Variants in NOS1AP observed in about 807,000 individuals in gnomAD.
NOS1AP encodes the protein nitric oxide synthase 1 adaptor protein, also known as carboxyl-terminal PDZ ligand of neuronal nitric oxide synthase protein.
A neutral mutation model predicts 56.2 loss-of-function variants in NOS1AP; 21 were observed. That is an observed-to-expected ratio of 0.37 (90% confidence interval 0.26 to 0.54). The LOEUF is 0.54. Ranked by LOEUF, NOS1AP falls within the 20% of genes least tolerant of loss-of-function variation. The pLI is 0.84. For missense variants in NOS1AP, 522 were observed against 657.8 expected, an observed-to-expected ratio of 0.79 and a Z score of 2.26; for synonymous variants, 270 against 274.6, an observed-to-expected ratio of 0.98 and a Z score of 0.17.
intron 4 of NOS1AP, chr1:162,317,876 A>G (rs1656281549): frequency 6.6e-6 from 1 of 152,226 alleles, no homozygotes; most frequent in Non-Finnish European, 1.5e-5. Flanking sequence ...TTTACTAAAC[A>G]TTAAACTGAC....
chr1:162,154,650 A>G (rs542983011), intron 2 of NOS1AP, among the ~76,000 whole-genome samples, 174 bp downstream of exon 2: 2 of 152,266 alleles, frequency 1.3e-5, no homozygotes, highest in East Asian at 3.9e-4. Flanking sequence ...ATCTTGATGA[A>G]AGGCCAATGT....
At chr1:162,359,890 C>G (rs1657835283) in intron 8 of NOS1AP, among the ~76,000 whole-genome samples, 1 of 152,164 alleles carries the variant, frequency 6.6e-6, no homozygotes, top group South Asian at 2.1e-4. Context: ...GAATAGTTTC[C>G]TTCTCTCGGA....
In NOS1AP at chr1:162,369,683, C is replaced by T. The variant is rs1383112554; in HGVS notation, c.*2216C>T. On this transcript the variant is annotated 3_prime_UTR_variant, in exon 10 of 10. Coordinates refer to ENST00000361897, the MANE Select transcript of NOS1AP (RefSeq NM_014697.3). ...TATCTGTGTTGCTGACTTTGGGACC[C>T]ATCCAAGACTCCTGCCCTTGGGGTG... is the stretch of plus-strand genomic sequence containing the variant. 1 of 152,300 alleles carries T rather than the reference C, an allele frequency of 6.6e-6. No homozygotes were observed. The highest frequency in any genetic ancestry group is 2.4e-5 in the African/African-American group (1 of 41,464). The allele number at this position is 152,300 out of a possible 1,614,324, so 9.4% of individuals were successfully genotyped here. A position where few individuals can be genotyped will look rare whatever the true frequency, so the allele number is the denominator to read the frequency against.
chr1:162,280,362 T>A (rs1654879930), intron 2 of NOS1AP, among the ~76,000 whole-genome samples: 1 of 152,240 alleles, frequency 6.6e-6, no homozygotes, highest in Non-Finnish European at 1.5e-5. Context: ...TAAAAAATAG[T>A]ACATATATGA....
chr1:162,175,155 A>G (rs1177045406), intron 2 of NOS1AP, among the ~76,000 whole-genome samples: 3 of 134,248 alleles, frequency 2.2e-5, no homozygotes, highest in African/African-American at 6.6e-5. Flanking sequence ...TTTTTGGGGA[A>G]AAAAAAAAAA....
At chr1:162,122,752 A>G (rs1648294343) in intron 1 of NOS1AP, among the ~76,000 whole-genome samples, 1 of 152,064 alleles carries the variant, frequency 6.6e-6, no homozygotes. Flanking sequence ...TGATCTGCCT[A>G]CCTCAGCCTC....
chr1:162,265,474 C>T (rs1021300236), intron 2 of NOS1AP, among the ~76,000 whole-genome samples: 1 of 149,806 alleles, frequency 6.7e-6, no homozygotes, highest in Non-Finnish European at 1.5e-5. Context: ...TGAGAACATG[C>T]GGTGTTTGGT....
chr1:162,127,906 A>G (rs904588232), intron 1 of NOS1AP, among the ~76,000 whole-genome samples: 2 of 152,226 alleles, frequency 1.3e-5, no homozygotes, highest in South Asian at 2.1e-4. Context: ...TAAGAATAAG[A>G]ACAAACCTCT....
intron 2 of NOS1AP, among the ~76,000 whole-genome samples, chr1:162,170,916 G>C (rs546570517): frequency 2.0e-5 from 3 of 150,032 alleles, no homozygotes; most frequent in African/African-American, 4.9e-5. Flanking sequence ...TCTAACCTGG[G>C]CAACAAAGAG....
chr1:162,343,484 G>A (rs888015345), intron 5 of NOS1AP, among the ~76,000 whole-genome samples: 1 of 152,170 alleles, frequency 6.6e-6, no homozygotes, highest in Non-Finnish European at 1.5e-5. Context: ...AATGATAGCC[G>A]AGTTCCTCTT....
At chr1:162,193,643 C>A (rs898925063) in intron 2 of NOS1AP, among the ~76,000 whole-genome samples, 1 of 151,746 alleles carries the variant, frequency 6.6e-6, no homozygotes, top group Non-Finnish European at 1.5e-5. Flanking sequence ...TGGTTTCCAT[C>A]TGTATTTAGT....
chr1:162,280,677 T>C (rs1654895795), intron 2 of NOS1AP, among the ~76,000 whole-genome samples: 1 of 152,216 alleles, frequency 6.6e-6, no homozygotes, highest in African/African-American at 2.4e-5. Flanking sequence ...AATATTTCTT[T>C]AAAAAGTAGC....
chr1:162,340,115 T>C (rs1378059324), intron 5 of NOS1AP, among the ~76,000 whole-genome samples: 1 of 152,210 alleles, frequency 6.6e-6, no homozygotes, highest in Non-Finnish European at 1.5e-5. Flanking sequence ...AGTAGCTTGA[T>C]TATGTGTTCC....
intron 1 of NOS1AP, among the ~76,000 whole-genome samples, chr1:162,113,200 G>A (rs1036773559): frequency 6.6e-6 from 1 of 152,174 alleles, no homozygotes; most frequent in Non-Finnish European, 1.5e-5. Flanking sequence ...CTGGCAGGAG[G>A]TGGAGCATGA....
At position 162,268,511 on chromosome 1, in the gene NOS1AP, A is replaced by G. The variant is rs944033513; in HGVS notation, c.178-18833A>G. On this transcript the variant is annotated intron_variant, in intron 2 of 9. Coordinates refer to ENST00000361897, the MANE Select transcript of NOS1AP (RefSeq NM_014697.3). ...AACAAGCCCTAGTCACTCACATAGC[A>G]TTTCTAGTCAGCTTTGACTTCCACT... 6.6e-5 allele frequency among the ~76,000 whole-genome samples: 10 copies of G among 152,284 alleles called. No homozygotes were observed. In the East Asian group the frequency reaches 1.9e-3, roughly 29 times the overall value.
chr1:162,346,101 A>G (rs1032639519), intron 6 of NOS1AP, among the ~76,000 whole-genome samples: 1 of 152,234 alleles, frequency 6.6e-6, no homozygotes, highest in Non-Finnish European at 1.5e-5. Context: ...GGGAATCCCT[A>G]TGGAGAAAAA....
intron 2 of NOS1AP, among the ~76,000 whole-genome samples, chr1:162,228,727 A>G (rs1050661611): frequency 6.6e-6 from 1 of 152,228 alleles, no homozygotes; most frequent in African/African-American, 2.4e-5. Flanking sequence ...AAAGCAAACA[A>G]GTACTCTCTG....
chr1:162,367,345 G>T lies in NOS1AP; in HGVS notation c.1399G>T (p.Glu467Ter). ...FRESGIASEY[E>*]SNTDESEERD... ...AGAGTCAGGCATCGCCTCGGAGTAC[G>T]AGTCCAACACGGACGAGAGCGAGGA... Residue 467 changes from glutamate (E) to a stop codon, truncating the protein, a stop_gained, in exon 10 of 10, where the codon GAG (glutamate) becomes TAG (stop). Coordinates refer to ENST00000361897, the MANE Select transcript of NOS1AP (RefSeq NM_014697.3). LOFTEE classifies it high-confidence loss of function. This position sits in a 1 kb window ranked among gnomAD's most constrained non-coding sequence, Gnocchi z 6.5. 1 of 1,613,026 alleles carries T rather than the reference G, an allele frequency of 6.2e-7. No individual in the cohort carries two copies. The highest frequency in any genetic ancestry group is 8.5e-7 in the Non-Finnish European group (1 of 1,179,832).
chr1:162,279,693 C>T (rs1214107348), intron 2 of NOS1AP, among the ~76,000 whole-genome samples: 2 of 152,174 alleles, frequency 1.3e-5, no homozygotes, highest in Admixed American at 6.5e-5. Flanking sequence ...TATTTCTCTT[C>T]TTGCTTTCTG....
Sources: allele counts gnomAD v4.1 joint callset (sites outside exome capture counted in the v4.1 genomes callset), GRCh38; gene constraint gnomAD v4.1.1; non-coding constraint Gnocchi (gnomAD v3.1); transcripts MANE v1.5; gene names NCBI Gene and HGNC (gene_info 2026-07-23, HGNC 2026-07-21).